ADAMTS17: variants seen among roughly 807,000 people sequenced by gnomAD.
ADAMTS17 encodes the protein ADAM metallopeptidase with thrombospondin type 1 motif 17, also known as A disintegrin and metalloproteinase with thrombospondin motifs 17.
Under a neutral mutation model 141.5 loss-of-function variants are expected in ADAMTS17, and 113 were observed. That is an observed-to-expected ratio of 0.80 (90% CI 0.69 to 0.93). ADAMTS17 has a LOEUF of 0.93. ADAMTS17 is among the 40% of genes least tolerant of loss of function. The pLI is 0.00. For synonymous variants in ADAMTS17, 768 were observed against 630.6 expected, an observed-to-expected ratio of 1.22 and a Z score of -3.27; for missense variants, 1,659 against 1,517.9, an observed-to-expected ratio of 1.09 and a Z score of -1.54.
intron 7 of ADAMTS17, among the ~76,000 whole-genome samples, chr15:100,245,884 G>A (rs2042971815): frequency 6.6e-6 from 1 of 152,182 alleles, no homozygotes; most frequent in African/African-American, 2.4e-5. Context: ...TGAGCGTAAA[G>A]GTGTGTGTGT....
intron 6 of ADAMTS17, among the ~76,000 whole-genome samples, chr15:100,259,905 C>T (rs1357637753): frequency 1.3e-5 from 2 of 152,188 alleles, no homozygotes; most frequent in African/African-American, 4.8e-5. Context: ...AGTGCAATGG[C>T]ATGATCTCAG....
rs567293493 is a variant in ADAMTS17, at chr15:100,303,110, AT to A, written c.617-21710del. Among the ~76,000 whole-genome samples, 7 of 146,874 alleles carry A rather than the reference AT, an allele frequency of 4.8e-5. No homozygotes were observed. In the South Asian group the frequency reaches 8.4e-4, roughly 18 times the overall value. On this transcript the variant is annotated intron_variant, in intron 3 of 21. Coordinates refer to ENST00000268070, the MANE Select transcript of ADAMTS17 (RefSeq NM_139057.4). ...ACTTCCCTTTATATATATAAAATAT[AT>A]AATATATATTATAAATATATATTTA...
intron 14 of ADAMTS17, among the ~76,000 whole-genome samples, chr15:100,102,583 G>C (rs949788260): frequency 6.6e-6 from 1 of 150,704 alleles, no homozygotes; most frequent in Non-Finnish European, 1.5e-5. Flanking sequence ...ACATTTGAAG[G>C]CCTACTGAAG....
chr15:100,061,806 T>C (rs1241454351), intron 15 of ADAMTS17, among the ~76,000 whole-genome samples: 1 of 152,158 alleles, frequency 6.6e-6, no homozygotes, highest in Non-Finnish European at 1.5e-5. Context: ...CCAAACTGAG[T>C]ACCTCTTGGA....
At chr15:100,161,443 T>C (rs988370296) in intron 8 of ADAMTS17, among the ~76,000 whole-genome samples, 3 of 152,174 alleles carry the variant, frequency 2.0e-5, no homozygotes, top group African/African-American at 4.8e-5. Context: ...GATGAAGAGC[T>C]TGGGCTCCCG....
intron 6 of ADAMTS17, chr15:100,257,122 G>C (rs2043353664): frequency 6.6e-6 from 1 of 152,216 alleles, no homozygotes; most frequent in African/African-American, 2.4e-5. Flanking sequence ...TCTCACGTTG[G>C]CCCGTCCTAG....
At chr15:100,298,441 C>T (rs1156336557) in intron 3 of ADAMTS17, among the ~76,000 whole-genome samples, 1 of 152,142 alleles carries the variant, frequency 6.6e-6, no homozygotes, top group Non-Finnish European at 1.5e-5. Context: ...GCGCTGGGTG[C>T]TCTCCCAGAG....
rs146388745 is a variant in ADAMTS17 at position 100,206,762 on chromosome 15, G to C, written c.1076-7339C>G. On this transcript the variant is annotated intron_variant, in intron 7 of 21. Coordinates refer to ENST00000268070, the MANE Select transcript of ADAMTS17 (RefSeq NM_139057.4). ...CCCAAAGGGAATCTGGGAATGGATC[G>C]AATCTCCCTTCAGAGATTCAAATGC... 1.2e-3 allele frequency among the ~76,000 whole-genome samples: 179 copies of C among 152,274 alleles called. 4 individuals are homozygous for C. In the East Asian group the frequency reaches 0.031, roughly 26 times the overall value.
At chr15:100,281,793 C>T (rs1429918292) in intron 3 of ADAMTS17, among the ~76,000 whole-genome samples, 1 of 152,192 alleles carries the variant, frequency 6.6e-6, no homozygotes, top group Non-Finnish European at 1.5e-5. Flanking sequence ...AGGTGGATAA[C>T]TGGACCAAGG....
intron 15 of ADAMTS17, chr15:100,063,731 A>G (rs1280905034): frequency 2.3e-6 from 3 of 1,290,030 alleles, no homozygotes; most frequent in East Asian, 5.5e-5. Flanking sequence ...TCCGAGCTCC[A>G]GCAGGAATGA....
chr15:100,331,025 C>T lies in ADAMTS17; in HGVS notation c.480G>A (p.Gln160=). The T allele has an allele frequency of 6.2e-7, 1 of 1,614,152 alleles. No homozygotes were observed. The highest frequency in any genetic ancestry group is 8.5e-7 in the Non-Finnish European group (1 of 1,180,046). The change falls in exon 3 of 22, where the codon CAG becomes CAA. Residue 160 remains glutamine (Q), a synonymous_variant. Transcript: ENST00000268070. The part of the protein sequence containing the change: ...LVGLIQLGQE[Q]VLIQPLNNSQ... ...AGTTGTTGAGGGGCTGGATTAGCAC[C>T]TGCTCCTGCCCAAGCTGAATGAGGC... is the stretch of plus-strand genomic sequence containing the variant.
chr15:100,007,224 C>T (rs1273426726), intron 18 of ADAMTS17, among the ~76,000 whole-genome samples: 1 of 152,178 alleles, frequency 6.6e-6, no homozygotes, highest in East Asian at 1.9e-4. Flanking sequence ...ACGGAGGGAG[C>T]CTGCCCTCAC....
At chr15:100,232,726 T>C (rs2042524169) in intron 7 of ADAMTS17, among the ~76,000 whole-genome samples, 1 of 152,226 alleles carries the variant, frequency 6.6e-6, no homozygotes, top group South Asian at 2.1e-4. Context: ...CAGGAGTGAC[T>C]TGGCCATTTG....
At chr15:100,073,834 C>T (rs1175154518) in intron 15 of ADAMTS17, among the ~76,000 whole-genome samples, 1 of 151,558 alleles carries the variant, frequency 6.6e-6, no homozygotes, top group African/African-American at 2.4e-5. Context: ...TTGATGGGTG[C>T]AGCACACCAA....
At chr15:100,339,057 C>G (rs1226997249) in intron 2 of ADAMTS17, 8 of 985,328 alleles carry the variant, frequency 8.1e-6, no homozygotes, top group Non-Finnish European at 8.4e-6. Flanking sequence ...GCAGACTAAA[C>G]AACAGAAGTG....
At chr15:100,196,411 G>A (rs1265685121) in intron 8 of ADAMTS17, among the ~76,000 whole-genome samples, 5 of 152,220 alleles carry the variant, frequency 3.3e-5, no homozygotes, top group Non-Finnish European at 5.9e-5. Context: ...TAAGTGGAAC[G>A]TACAGCTCAC....
intron 8 of ADAMTS17, among the ~76,000 whole-genome samples, chr15:100,160,815 C>T (rs139173917): frequency 1.3e-5 from 2 of 152,154 alleles, no homozygotes; most frequent in Non-Finnish European, 2.9e-5. Context: ...ACATGCCAAG[C>T]GGCTCATCAC....
intron 3 of ADAMTS17, among the ~76,000 whole-genome samples, chr15:100,329,087 T>C (rs1374530465): frequency 1.3e-5 from 2 of 152,160 alleles, no homozygotes; most frequent in African/African-American, 2.4e-5. Context: ...AGTGGTTCTC[T>C]GTGGGTGGGA....
intron 7 of ADAMTS17, among the ~76,000 whole-genome samples, chr15:100,201,428 A>C (rs1596261234): frequency 6.6e-6 from 1 of 152,290 alleles, no homozygotes; most frequent in South Asian, 2.1e-4. Flanking sequence ...CCAGCCATGC[A>C]GAACTGAGAG....
Sources: allele counts gnomAD v4.1 joint callset (sites outside exome capture counted in the v4.1 genomes callset), GRCh38; gene constraint gnomAD v4.1.1; transcripts MANE v1.5; gene names NCBI Gene and HGNC (gene_info 2026-07-23, HGNC 2026-07-21).